TRIM72: variants seen among roughly 807,000 people sequenced by gnomAD.
TRIM72 encodes the protein tripartite motif containing 72.
TRIM72 carries 33 observed loss-of-function variants against 31.6 expected under a neutral mutation model. That is an observed-to-expected ratio of 1.04 (90% CI 0.79 to 1.40). The LOEUF (loss-of-function observed/expected upper bound fraction) is 1.40. TRIM72 is among the 40% of genes most tolerant of loss of function. The pLI, the probability that TRIM72 is intolerant of heterozygous loss-of-function variation, is 0.00. For synonymous variants in TRIM72, 301 were observed against 314.4 expected (o/e 0.96, Z 0.45); for missense variants, 666 against 682.7 (o/e 0.98, Z 0.27).
chr16:31,224,365 G>T lies in TRIM72; in HGVS notation c.1044G>T (p.Glu348Asp). The T allele has an allele frequency of 1.3e-6, 2 of 1,517,302 alleles. No homozygotes were observed. The highest frequency in any genetic ancestry group is 1.8e-6 in the Non-Finnish European group (2 of 1,141,792). 94.0% of individuals were successfully genotyped at this position (1,517,302 alleles called of 1,614,324 possible). ...QQLSEGEHYW[E>D]VDVGDKPRWA... ...TCTCCGAGGGCGAGCACTACTGGGA[G>T]GTGGATGTTGGCGACAAGCCGCGCT... Residue 348 changes from glutamate to aspartate, a missense_variant, in exon 7 of 7, where the codon GAG becomes GAT. Physicochemically the swap from Glu to Asp is conservative, Grantham distance 45. Transcript: ENST00000322122.
intron 6 of TRIM72, 30 bp downstream of exon 6, chr16:31,222,975 T>G (rs371664397): frequency 1.9e-6 from 3 of 1,557,352 alleles, no homozygotes; most frequent in Non-Finnish European, 2.6e-6. Context: ...CAGGTTTGTG[T>G]GTGACCAGGC....
At position 31,219,523 on chromosome 16, in the gene TRIM72, A is replaced by G. The variant is rs1484498814; in HGVS notation, c.717+4A>G. 5 of 1,609,244 alleles carry G rather than the reference A, an allele frequency of 3.1e-6. No individual in the cohort carries two copies. Among genetic ancestry groups the G allele is most frequent in the Non-Finnish European group, 4.2e-6 (5 of 1,178,040 alleles). On this transcript the variant is annotated splice_donor_region_variant and intron_variant, in intron 4 of 6. Transcript: ENST00000322122. The surrounding 1 kb of genome is among the most constrained non-coding windows in gnomAD (Gnocchi z 4.2). ...GCCGCAGACTGAGTTCCTCATGGTG[A>G]GCACTGGGTGACCCCCCTCCCTGCC...
rs757128378 is a variant in TRIM72 at position 31,216,745 on chromosome 16, G to T, written c.390+1617G>T. On this transcript the variant is annotated intron_variant, in intron 2 of 6. Transcript: ENST00000322122. This position sits in a 1 kb window ranked among gnomAD's most constrained non-coding sequence, Gnocchi z 6.7. Reference sequence around the variant, plus strand: ...GGTTGGGTCCCGAGATCACGTACCAGCTCAGAGTGGCCCTCACGCAGCCCG... The same window carrying T: ...GGTTGGGTCCCGAGATCACGTACCATCTCAGAGTGGCCCTCACGCAGCCCG... 1.3e-6 allele frequency: 2 copies of T among 1,592,962 alleles called. No individual in the cohort carries two copies. The highest frequency in any genetic ancestry group is 3.4e-5 in the Admixed American group (2 of 59,478).
In TRIM72 at chr16:31,216,561, G is replaced by T. The variant is rs564753602; in HGVS notation, c.390+1433G>T. Among the ~76,000 whole-genome samples, 21 of 152,308 alleles carry T rather than the reference G, an allele frequency of 1.4e-4. No individual in the cohort carries two copies. The highest frequency in any genetic ancestry group is 5.2e-4 in the Admixed American group (8 of 15,296). On this transcript the variant is annotated intron_variant, in intron 2 of 6. Transcript: ENST00000322122. This position sits in a 1 kb window ranked among gnomAD's most constrained non-coding sequence, Gnocchi z 6.7. ...CCAGGAGCCTGGAAGGGGGCAGTGG[G>T]GCGAGATGCAGCCCACCAGGGTTCG...
In TRIM72 at chr16:31,219,671, T is replaced by C; in HGVS notation, c.717+152T>C. ...GCCTCAGGACTGCTATATGGTTGTT[T>C]AGGTTGAGCACTGCATAAGGACATT... On this transcript the variant is annotated intron_variant, in intron 4 of 6. Transcript: ENST00000322122. The surrounding 1 kb of genome is among the most constrained non-coding windows in gnomAD (Gnocchi z 4.2). 1 of 696,784 alleles carries C rather than the reference T, an allele frequency of 1.4e-6. No individual in the cohort carries two copies. The allele number at this position is 696,784 out of a possible 1,614,324, so 43.2% of individuals were successfully genotyped here.
chr16:31,215,553 T>C lies in TRIM72; in HGVS notation c.390+425T>C, dbSNP rs78239265. Among the ~76,000 whole-genome samples the C allele has an allele frequency of 0.03, 4,624 of 152,102 alleles. 216 individuals are homozygous for C. Among genetic ancestry groups the C allele is most frequent in the African/African-American group, 0.099 (4,124 of 41,516 alleles). On this transcript the variant is annotated intron_variant, in intron 2 of 6. Transcript: ENST00000322122. The surrounding 1 kb of genome is among the most constrained non-coding windows in gnomAD (Gnocchi z 6.3). ...TGCTCGGCGCTGGCCCACTTTGGACTGGAGGCGCGGCGTTCGGGACCGAGC... is the reference window on the plus strand; with the variant it reads ...TGCTCGGCGCTGGCCCACTTTGGACCGGAGGCGCGGCGTTCGGGACCGAGC...
chr16:31,231,457 G>C lies in TRIM72; in HGVS notation c.*6702G>C, dbSNP rs2144206725. The C allele has an allele frequency of 6.6e-6, 1 of 152,204 alleles. No homozygotes were observed. The highest frequency in any genetic ancestry group is 2.1e-4 in the South Asian group (1 of 4,828). 9.4% of individuals were successfully genotyped at this position (152,204 alleles called of 1,614,324 possible). ...GCCAATATTCTTCTTCTTGATACTG[G>C]TGGTGGTGAGAAAGTTGGGTAATTT... On this transcript the variant is annotated 3_prime_UTR_variant, in exon 7 of 7. Transcript: ENST00000322122.
chr16:31,225,141 C>T lies in TRIM72; in HGVS notation c.*386C>T, dbSNP rs2079550961. The T allele has an allele frequency of 2.5e-5, 4 of 157,248 alleles. No homozygotes were observed. In the East Asian group the frequency reaches 7.5e-4, roughly 29 times the overall value. The allele number at this position is 157,248 out of a possible 1,614,324, so 9.7% of individuals were successfully genotyped here. A position where few individuals can be genotyped will look rare whatever the true frequency, so the allele number is the denominator to read the frequency against. The stretch of plus-strand genomic sequence containing the variant: ...GGAGGTGGAGGTTGCAGTGAGCAGA[C>T]ATTGCGGCACTGCACTCTAGCCTGG... On this transcript the variant is annotated 3_prime_UTR_variant, in exon 7 of 7. Transcript: ENST00000322122.
intron 4 of TRIM72, 23 bp from the exon 5 acceptor site, chr16:31,220,873 A>G (rs779384195): frequency 1.4e-5 from 22 of 1,613,856 alleles, no homozygotes; most frequent in African/African-American, 2.7e-5. Context: ...CTTCACCACC[A>G]TTCTCTTTTT....
chr16:31,217,996 A>C (rs938325009), intron 2 of TRIM72, among the ~76,000 whole-genome samples: 3 of 152,184 alleles, frequency 2.0e-5, no homozygotes, highest in Non-Finnish European at 4.4e-5. Context: ...GGTCAGGCTG[A>C]CAGGCTGACT....
Position 31,224,423 on chromosome 16 carries a change from CGCCG to C in TRIM72, c.1103_1106del (p.Arg368ProfsTer49). ...GGGCGTGATCGCGGCCGAGGCCCCCCGCCGCGGGCGCCTGCACGCGGTGCCCTCG... is the reference window on the plus strand; with the variant it reads ...GGGCGTGATCGCGGCCGAGGCCCCCCCGGGCGCCTGCACGCGGTGCCCTCG... On this transcript the variant is annotated frameshift_variant, in exon 7 of 7. Transcript: ENST00000322122. LOFTEE classifies it low-confidence loss of function (END_TRUNC). 7.0e-7 allele frequency: 1 copy of C among 1,419,518 alleles called. No individual in the cohort carries two copies. Among genetic ancestry groups the C allele is most frequent in the Non-Finnish European group, 9.1e-7 (1 of 1,098,484 alleles). The allele number at this position is 1,419,518 out of a possible 1,614,324, so 87.9% of individuals were successfully genotyped here. A position where few individuals can be genotyped will look rare whatever the true frequency, so the allele number is the denominator to read the frequency against.
Position 31,215,196 on chromosome 16 carries a change from T to C in TRIM72, c.390+68T>C. 4 of 1,408,882 alleles carry C rather than the reference T, an allele frequency of 2.8e-6. No homozygotes were observed. Among genetic ancestry groups the C allele is most frequent in the African/African-American group, 1.5e-5 (1 of 66,132 alleles). The allele number at this position is 1,408,882 out of a possible 1,614,324, so 87.3% of individuals were successfully genotyped here. A position where few individuals can be genotyped will look rare whatever the true frequency, so the allele number is the denominator to read the frequency against. ...GGCACGGGGCCGATGGGGAGGTCGC[T>C]GCAGTGATTTGGATTCTGAGTCTCT... On this transcript the variant is annotated intron_variant, in intron 2 of 6. Coordinates refer to ENST00000322122, the MANE Select transcript of TRIM72 (RefSeq NM_001008274.4). This position sits in a 1 kb window ranked among gnomAD's most constrained non-coding sequence, Gnocchi z 6.3.
chr16:31,215,952 G>T lies in TRIM72; in HGVS notation c.390+824G>T, dbSNP rs938017979. The T allele has an allele frequency of 6.6e-6, 1 of 152,192 alleles. No individual in the cohort carries two copies. Among genetic ancestry groups the T allele is most frequent in the Non-Finnish European group, 1.5e-5 (1 of 68,036 alleles). 9.4% of individuals were successfully genotyped at this position (152,192 alleles called of 1,614,324 possible). On this transcript the variant is annotated intron_variant, in intron 2 of 6. Coordinates refer to ENST00000322122, the MANE Select transcript of TRIM72 (RefSeq NM_001008274.4). This position sits in a 1 kb window ranked among gnomAD's most constrained non-coding sequence, Gnocchi z 6.3. ...TAGCTACCGGCGGGCACGTGTGCGC[G>T]CAGCCCCAGTAAAGTCTGCCATGAA...
At position 31,224,208 on chromosome 16, in the gene TRIM72, G is replaced by A. The variant is rs754784371; in HGVS notation, c.887G>A (p.Ser296Asn). The change falls in exon 7 of 7, where the codon AGC becomes AAC. Residue 296 changes from serine (S) to asparagine (N), a missense_variant. Transcript: ENST00000322122. The stretch of plus-strand genomic sequence containing the variant: ...CTGGAGGAGCTGACCTTTGACCCGA[G>A]CTCTGCGCACCCGAGCCTGGTGGTG... Reference protein sequence around the residue: ...PALEELTFDPSSAHPSLVVSS... With the variant: ...PALEELTFDPNSAHPSLVVSS... The A allele has an allele frequency of 1.0e-5, 16 of 1,603,778 alleles. No homozygotes were observed. In the South Asian group the frequency reaches 1.5e-4, roughly 15 times the overall value.
chr16:31,215,106 C>T lies in TRIM72; in HGVS notation c.368C>T (p.Ala123Val). The change falls in exon 2 of 7, where the codon GCC becomes GTC. Residue 123 changes from alanine (A) to valine (V), a missense_variant. Transcript: ENST00000322122. This position sits in a 1 kb window ranked among gnomAD's most constrained non-coding sequence, Gnocchi z 6.3. ...CGCGGTCATCGCCTCCTGCCTGCCG[C>T]CGAGGCCCACGCACGCCTCAAGGTG... ...SHRGHRLLPA[A>V]EAHARLKTQL... 6.9e-7 allele frequency: 1 copy of T among 1,446,578 alleles called. No individual in the cohort carries two copies. The highest frequency in any genetic ancestry group is 9.0e-7 in the Non-Finnish European group (1 of 1,108,912). 89.6% of individuals were successfully genotyped at this position (1,446,578 alleles called of 1,614,324 possible).
rs749304721 is a variant in TRIM72, at chr16:31,215,134, G to A, written c.390+6G>A. The A allele has an allele frequency of 7.0e-7, 1 of 1,434,864 alleles. No individual in the cohort carries two copies. The highest frequency in any genetic ancestry group is 2.7e-5 in the East Asian group (1 of 36,684). The allele number at this position is 1,434,864 out of a possible 1,614,324, so 88.9% of individuals were successfully genotyped here. ...AGGCCCACGCACGCCTCAAGGTGCG[G>A]GATCCGCGCGCATCGTGGTCGGAGG... On this transcript the variant is annotated splice_donor_region_variant and intron_variant, in intron 2 of 6. Transcript: ENST00000322122. The surrounding 1 kb of genome is among the most constrained non-coding windows in gnomAD (Gnocchi z 6.3).
chr16:31,229,908 T>G lies in TRIM72; in HGVS notation c.*5153T>G, dbSNP rs921385465. The G allele has an allele frequency of 5.3e-5, 8 of 152,040 alleles. No homozygotes were observed. Among genetic ancestry groups the G allele is most frequent in the Non-Finnish European group, 7.3e-5 (5 of 68,046 alleles). The allele number at this position is 152,040 out of a possible 1,614,324, so 9.4% of individuals were successfully genotyped here. A position where few individuals can be genotyped will look rare whatever the true frequency, so the allele number is the denominator to read the frequency against. On this transcript the variant is annotated 3_prime_UTR_variant, in exon 7 of 7. Transcript: ENST00000322122. ...TTCGAGACCAGTCTGGTCAACATGG[T>G]GAAACCCCATCTTTACTAAAAATAC...
chr16:31,223,437 T>A (rs2079542375), intron 6 of TRIM72, among the ~76,000 whole-genome samples: 1 of 152,158 alleles, frequency 6.6e-6, no homozygotes. Flanking sequence ...TACACATTGC[T>A]GGGGCAGCCC....
chr16:31,216,707 G>A lies in TRIM72; in HGVS notation c.390+1579G>A. The A allele has an allele frequency of 1.3e-6, 2 of 1,556,260 alleles. No homozygotes were observed. The highest frequency in any genetic ancestry group is 1.7e-6 in the Non-Finnish European group (2 of 1,147,768). On this transcript the variant is annotated intron_variant, in intron 2 of 6. Transcript: ENST00000322122. The surrounding 1 kb of genome is among the most constrained non-coding windows in gnomAD (Gnocchi z 6.7). Reference sequence around the variant, plus strand: ...GGCGGGACCTGACGCGTGGGTCCTTGGCGAGGAAGCGGGGTTGGGTCCCGA... The same window carrying A: ...GGCGGGACCTGACGCGTGGGTCCTTAGCGAGGAAGCGGGGTTGGGTCCCGA...
Sources: gnomAD v4.1 joint callset for allele counts (sites outside exome capture counted in the v4.1 genomes callset) on GRCh38, gnomAD v4.1.1 for gene constraint, Gnocchi (gnomAD v3.1) non-coding constraint, MANE v1.5 for transcripts, NCBI Gene and HGNC (gene_info 2026-07-23, HGNC 2026-07-21) for gene names.